Variants in POMGNT1 observed in about 807,000 individuals in gnomAD.
POMGNT1 encodes protein O-linked-mannose beta-1,2-N-acetylglucosaminyltransferase 1.
In POMGNT1, 67 loss-of-function variants were observed where a neutral mutation model predicts 95.6. The ratio of observed to expected loss-of-function variants is 0.70; its 90% CI spans 0.58 to 0.86. The LOEUF (loss-of-function observed/expected upper bound fraction) is 0.86. Among genes scored for constraint, POMGNT1 ranks in the 40% least tolerant of loss-of-function variants. POMGNT1 has a pLI of 0.00. For synonymous variants in POMGNT1, 298 were observed against 317.9 expected (o/e 0.94, Z 0.66); for missense variants, 719 against 855.2 (o/e 0.84, Z 1.99).
upstream of POMGNT1, among the ~76,000 whole-genome samples, chr1:46,200,747 G>T (rs966144059): frequency 6.6e-6 from 1 of 152,180 alleles, no homozygotes; most frequent in African/African-American, 2.4e-5. Context: ...CCCAGTGCAG[G>T]CCATTTCAGT....
rs535066308 is a variant in POMGNT1 at position 46,214,897 on chromosome 1, A to G, written c.-51+4808T>C. 6.2e-5 allele frequency among the ~76,000 whole-genome samples: 9 copies of G among 144,028 alleles called. No homozygotes were observed. In the South Asian group the frequency reaches 1.8e-3, roughly 29 times the overall value. 94.5% of individuals were successfully genotyped at this position (144,028 alleles called of 152,430 possible). On this transcript the variant is annotated intron_variant, in intron 1 of 22. Transcript: ENST00000371992. ...AAAAAAAAAAAAAAAAGAGGAGTTG[A>G]TCAAGTTGAAATATTTCAGAAACTA...
chr1:46,203,683 G>T, intron 1 of POMGNT1: 2 of 1,505,796 alleles, frequency 1.3e-6, no homozygotes, highest in South Asian at 1.2e-5. Flanking sequence ...CGGGAGGGAC[G>T]AACTCATGCT....
intron 1 of POMGNT1, among the ~76,000 whole-genome samples, chr1:46,217,428 G>A (rs1302478406): frequency 6.6e-6 from 1 of 152,146 alleles, no homozygotes; most frequent in Non-Finnish European, 1.5e-5. Context: ...AGTAACTATA[G>A]TAAACTACAT....
rs1571647498 is a variant in POMGNT1 at position 46,189,871 on chromosome 1, A to G, written c.1768T>C (p.Trp590Arg). The G allele has an allele frequency of 6.2e-7, 1 of 1,613,948 alleles. No homozygotes were observed. Among genetic ancestry groups the G allele is most frequent in the East Asian group, 2.2e-5 (1 of 44,882 alleles). ...RMEKDDDFTT[W>R]TQLAKCLHIW... Reference sequence around the variant, plus strand: ...TGGAGCACCTTGGCAAGCTGGGTCCAGGTGGTGAAGTCATCATCTTTCTCC... The same window carrying G: ...TGGAGCACCTTGGCAAGCTGGGTCCGGGTGGTGAAGTCATCATCTTTCTCC... Residue 590 changes from tryptophan (W) to arginine (R), a missense_variant, in exon 20 of 22, where the codon TGG becomes CGG. By Grantham distance (101) the Trp-to-Arg change is moderately radical (BLOSUM62 -3). Coordinates refer to ENST00000371984, the MANE Select transcript of POMGNT1 (RefSeq NM_017739.4).
At chr1:46,220,014 G>A (rs747833250) in exon 1 of POMGNT1, 1 of 1,614,260 alleles carries the variant, frequency 6.2e-7, no homozygotes, top group Non-Finnish European at 8.5e-7. Flanking sequence ...GATGGACTGG[G>A]CAAAAGTTAT....
At chr1:46,201,961 T>C (rs1336062824), upstream of POMGNT1, among the ~76,000 whole-genome samples, 2 of 150,878 alleles carry the variant, frequency 1.3e-5, no homozygotes, top group Non-Finnish European at 3.0e-5. Context: ...GAAGACCCTG[T>C]CTCTAAAAAA....
chr1:46,212,854 A>G (rs1218368609), intron 1 of POMGNT1, among the ~76,000 whole-genome samples: 1 of 151,658 alleles, frequency 6.6e-6, no homozygotes, highest in African/African-American at 2.4e-5. Flanking sequence ...CCACCTCCCG[A>G]GTTCACACCA....
chr1:46,193,734 C>G (rs1557674078), intron 10 of POMGNT1, 95 bp from the exon 11 acceptor site: 1 of 1,601,140 alleles, frequency 6.2e-7, no homozygotes, highest in Non-Finnish European at 8.5e-7. Flanking sequence ...TATGCTTACC[C>G]ACAGAGGTGA....
At position 46,196,936 on chromosome 1, in the gene POMGNT1, A is replaced by G. The variant is rs1171910223; in HGVS notation, c.235+34T>C. 5.0e-6 allele frequency: 8 copies of G among 1,614,180 alleles called. No individual in the cohort carries two copies. Among genetic ancestry groups the G allele is most frequent in the Non-Finnish European group, 6.8e-6 (8 of 1,180,012 alleles). Reference sequence around the variant, plus strand: ...GCCTGCCACTCCAGCTGTGAGATCCAAGGCCCCCTACCCCATCCTTAGCCT... The same window carrying G: ...GCCTGCCACTCCAGCTGTGAGATCCGAGGCCCCCTACCCCATCCTTAGCCT... On this transcript the variant is annotated intron_variant, in intron 3 of 21. Coordinates refer to ENST00000371984, the MANE Select transcript of POMGNT1 (RefSeq NM_017739.4). This position sits in a 1 kb window ranked among gnomAD's most constrained non-coding sequence, Gnocchi z 4.4.
chr1:46,195,553 G>A, intron 6 of POMGNT1: 1 of 530,608 alleles, frequency 1.9e-6, no homozygotes, highest in Non-Finnish European at 3.4e-6. Flanking sequence ...TCCCACTGCT[G>A]GAATATAAGC....
At chr1:46,197,115 A>T (rs1355920673) in intron 2 of POMGNT1, 31 bp from the exon 3 acceptor site, 3 of 1,613,808 alleles carry the variant, frequency 1.9e-6, no homozygotes, top group African/African-American at 2.7e-5. Context: ...GATTAAGAGG[A>T]GCACCTCCTT....
chr1:46,205,181 C>T (rs1658672356), intron 1 of POMGNT1, among the ~76,000 whole-genome samples: 1 of 152,026 alleles, frequency 6.6e-6, no homozygotes, highest in Non-Finnish European at 1.5e-5. Context: ...TCACTTGAGC[C>T]CAGGAAGAGG....
upstream of POMGNT1, among the ~76,000 whole-genome samples, chr1:46,203,158 C>A (rs1658599833): frequency 6.6e-6 from 1 of 152,142 alleles, no homozygotes; most frequent in East Asian, 1.9e-4. Context: ...GGCGAAGGCG[C>A]TGAGGTCTCC....
At chr1:46,198,518 G>GGGCGGC (rs562692247), upstream of POMGNT1, 312 of 147,536 alleles carry the variant, frequency 2.1e-3, 3 homozygotes, top group Non-Finnish European at 2.7e-3. Context: ...GCGGTGCTTA[G>GGGCGGC]GGCGGCGGCG....
At chr1:46,219,539 A>C (rs1323442788) in intron 1 of POMGNT1, among the ~76,000 whole-genome samples, 1 of 152,250 alleles carries the variant, frequency 6.6e-6, no homozygotes, top group African/African-American at 2.4e-5. Context: ...AATGTTAGGC[A>C]GCAGTCTGTC....
At chr1:46,220,015 C>G (rs1462528315) in exon 1 of POMGNT1, 2 of 1,614,180 alleles carry the variant, frequency 1.2e-6, no homozygotes, top group Non-Finnish European at 1.7e-6. Flanking sequence ...ATGGACTGGG[C>G]AAAAGTTATA....
chr1:46,191,373 G>A (rs1201698471), intron 17 of POMGNT1: 5 of 189,564 alleles, frequency 2.6e-5, no homozygotes, highest in Non-Finnish European at 3.3e-5. Flanking sequence ...GTGGGTTGGC[G>A]GTACCTAAGG....
At chr1:46,201,102 G>A (rs1658518889), upstream of POMGNT1, among the ~76,000 whole-genome samples, 3 of 152,086 alleles carry the variant, frequency 2.0e-5, no homozygotes, top group African/African-American at 7.2e-5. Context: ...CTGCACTCCA[G>A]CCTGGGCAAC....
intron 6 of POMGNT1, 95 bp from the exon 7 acceptor site, chr1:46,195,056 A>G: frequency 9.5e-7 from 1 of 1,055,514 alleles, no homozygotes; most frequent in Non-Finnish European, 1.5e-6. Flanking sequence ...TTTACTTAAA[A>G]TAGCTCATTA....
Sources: allele counts gnomAD v4.1 joint callset (sites outside exome capture counted in the v4.1 genomes callset), GRCh38; gene constraint gnomAD v4.1.1; non-coding constraint Gnocchi (gnomAD v3.1); transcripts MANE v1.5; gene names NCBI Gene and HGNC (gene_info 2026-07-23, HGNC 2026-07-21).